Variants in CNTN5 observed in about 807,000 individuals in gnomAD.
CNTN5 encodes the protein contactin-5.
In CNTN5, 77 loss-of-function variants were observed where a neutral mutation model predicts 129.1. The observed-to-expected ratio is 0.60, with a 90% CI of 0.50 to 0.72. The LOEUF (loss-of-function observed/expected upper bound fraction) is 0.72, where lower values mean the gene tolerates loss of function less well. Ranked by LOEUF, CNTN5 falls within the 30% of genes least tolerant of loss-of-function variation. The pLI is 0.00. For synonymous variants in CNTN5, 509 were observed against 465.6 expected, an observed-to-expected ratio of 1.09 and a Z score of -1.20; for missense variants, 1,478 against 1,328.8, an observed-to-expected ratio of 1.11 and a Z score of -1.75.
intron 9 of CNTN5, among the ~76,000 whole-genome samples, chr11:100,039,219 T>C (rs559780099): frequency 3.3e-5 from 5 of 152,284 alleles, no homozygotes; most frequent in South Asian, 2.1e-4. Context: ...ATTTCTCCTT[T>C]ACTTATGAAG....
intron 10 of CNTN5, among the ~76,000 whole-genome samples, chr11:100,068,866 C>G (rs2137852731): frequency 6.6e-6 from 1 of 152,270 alleles, no homozygotes; most frequent in East Asian, 1.9e-4. Context: ...GCAAAATTCC[C>G]TCTTAGAAAC....
intron 16 of CNTN5, among the ~76,000 whole-genome samples, chr11:100,238,495 G>A (rs1314327956): frequency 1.4e-5 from 2 of 146,150 alleles, no homozygotes; most frequent in East Asian, 2.0e-4. Context: ...AGCAGCAGCA[G>A]CAGGAGGAGG....
intron 7 of CNTN5, among the ~76,000 whole-genome samples, chr11:99,931,344 C>G (rs1950187717): frequency 6.6e-6 from 1 of 152,100 alleles, no homozygotes; most frequent in Admixed American, 6.6e-5. Flanking sequence ...TAAACTATCA[C>G]AAAGCAAACA....
At chr11:99,786,082 A>C (rs2135411737) in intron 3 of CNTN5, among the ~76,000 whole-genome samples, 1 of 152,294 alleles carries the variant, frequency 6.6e-6, no homozygotes, top group Admixed American at 6.5e-5. Context: ...TTTGCAGATC[A>C]CATGATTGTA....
intron 6 of CNTN5, among the ~76,000 whole-genome samples, chr11:99,904,331 C>T (rs962297692): frequency 6.6e-6 from 1 of 152,012 alleles, no homozygotes; most frequent in Non-Finnish European, 1.5e-5. Context: ...GTGATGTTCC[C>T]CTCCCCGTGT....
At chr11:99,990,116 A>G (rs987323832) in intron 8 of CNTN5, among the ~76,000 whole-genome samples, 2 of 152,122 alleles carry the variant, frequency 1.3e-5, no homozygotes, top group African/African-American at 4.8e-5. Flanking sequence ...GTAAATATAT[A>G]TAGTTGCTTT....
chr11:99,044,667 A>G (rs1307463973), intron 1 of CNTN5, among the ~76,000 whole-genome samples: 2 of 152,160 alleles, frequency 1.3e-5, no homozygotes, highest in South Asian at 4.1e-4. Context: ...CAGACTTGGC[A>G]TGGATAATTC....
intron 21 of CNTN5, among the ~76,000 whole-genome samples, chr11:100,324,255 T>C (rs1393713543): frequency 7.2e-5 from 11 of 152,108 alleles, no homozygotes; most frequent in Admixed American, 7.2e-4. Flanking sequence ...CAAAGTCCTT[T>C]CTCAGGAATT....
chr11:99,619,856 C>A (rs1477854471), intron 3 of CNTN5, among the ~76,000 whole-genome samples: 1 of 151,804 alleles, frequency 6.6e-6, no homozygotes, highest in Non-Finnish European at 1.5e-5. Flanking sequence ...GAAACCCTGT[C>A]TCTACTAAAA....
At chr11:99,130,640 C>CA (rs1858886151) in intron 1 of CNTN5, among the ~76,000 whole-genome samples, 1 of 152,064 alleles carries the variant, frequency 6.6e-6, no homozygotes, top group Non-Finnish European at 1.5e-5. Context: ...CTCTCCACCC[C>CA]AAAACAACAG....
rs147001714 is a variant in CNTN5, at chr11:100,011,410, G to A, written c.980+9274G>A. Reference sequence around the variant, plus strand: ...TTTATCCATAATGACAGGCCTGCCAGCTAATAGTGTTACAGGCAGATTTTC... The same window carrying A: ...TTTATCCATAATGACAGGCCTGCCAACTAATAGTGTTACAGGCAGATTTTC... On this transcript the variant is annotated intron_variant, in intron 9 of 24. Transcript: ENST00000524871. 7.5e-4 allele frequency among the ~76,000 whole-genome samples: 114 copies of A among 152,232 alleles called. 1 individual carries two copies. Among genetic ancestry groups the A allele is most frequent in the African/African-American group, 2.6e-3 (106 of 41,528 alleles).
At chr11:99,500,408 A>C (rs1002654357) in intron 2 of CNTN5, among the ~76,000 whole-genome samples, 11 of 152,290 alleles carry the variant, frequency 7.2e-5, no homozygotes, top group African/African-American at 2.6e-4. Context: ...AAGAGCTTAA[A>C]ATGGAAAAAA....
intron 15 of CNTN5, among the ~76,000 whole-genome samples, chr11:100,199,941 G>T (rs978229351): frequency 5.3e-5 from 8 of 151,884 alleles, no homozygotes; most frequent in Non-Finnish European, 8.8e-5. Flanking sequence ...GATATAAAGC[G>T]TTTTCTCTGC....
At chr11:100,034,781 C>A (rs988550508) in intron 9 of CNTN5, among the ~76,000 whole-genome samples, 1 of 152,092 alleles carries the variant, frequency 6.6e-6, no homozygotes, top group South Asian at 2.1e-4. Flanking sequence ...TTTGATGACC[C>A]CTGTCATAAA....
chr11:99,956,993 C>T lies in CNTN5; in HGVS notation c.861C>T (p.Leu287=). 3 of 1,613,606 alleles carry T rather than the reference C, an allele frequency of 1.9e-6. No individual in the cohort carries two copies. Among genetic ancestry groups the T allele is most frequent in the Non-Finnish European group, 2.5e-6 (3 of 1,179,694 alleles). The change falls in exon 8 of 25, where the codon CTC becomes CTT. Residue 287 remains leucine, a synonymous_variant. Transcript: ENST00000524871. The stretch of plus-strand genomic sequence containing the variant: ...GAGTCCTTAGTCCTCCAACGCCACT[C>T]ACTCTGCGTAATGATGGTAAGTTGC... ...NARVLSPPTP[L]TLRNDGVMGE...
chr11:99,569,563 C>T (rs192531058), intron 3 of CNTN5, among the ~76,000 whole-genome samples: 3 of 152,286 alleles, frequency 2.0e-5, no homozygotes, highest in African/African-American at 7.2e-5. Flanking sequence ...CCGCCTGCCT[C>T]GGCCTCCCAA....
intron 6 of CNTN5, among the ~76,000 whole-genome samples, chr11:99,879,891 C>T (rs1459118216): frequency 6.6e-6 from 1 of 152,106 alleles, no homozygotes; most frequent in African/African-American, 2.4e-5. Flanking sequence ...CTCCATAGTC[C>T]TCCTGCACAC....
intron 3 of CNTN5, among the ~76,000 whole-genome samples, chr11:99,693,252 G>A (rs1198574481): frequency 6.6e-6 from 1 of 152,036 alleles, no homozygotes; most frequent in African/African-American, 2.4e-5. Context: ...CTCATTTTTG[G>A]CATCAGAGAG....
intron 6 of CNTN5, among the ~76,000 whole-genome samples, chr11:99,869,055 T>C (rs1372131679): frequency 6.6e-6 from 1 of 152,192 alleles, no homozygotes; most frequent in Non-Finnish European, 1.5e-5. Context: ...GCCCCACTTA[T>C]TATATTTATC....
Sources: allele counts gnomAD v4.1 joint callset (sites outside exome capture counted in the v4.1 genomes callset), GRCh38; gene constraint gnomAD v4.1.1; transcripts MANE v1.5; gene names NCBI Gene and HGNC (gene_info 2026-07-23, HGNC 2026-07-21).